Variants in TULP4 observed in about 807,000 individuals in gnomAD.
TULP4 encodes TUB like protein 4, also known as tubby-related protein 4.
In TULP4, 16 loss-of-function variants were observed where a neutral mutation model predicts 129.0. The ratio of observed to expected loss-of-function variants is 0.12; its 90% CI spans 0.08 to 0.19. The LOEUF is 0.19. Ranked by LOEUF, TULP4 falls within the 10% of genes least tolerant of loss-of-function variation. The pLI is 1.00. For missense variants in TULP4, 1,842 were observed against 2,059.1 expected, an observed-to-expected ratio of 0.89 and a Z score of 2.04; for synonymous variants, 998 against 854.0, an observed-to-expected ratio of 1.17 and a Z score of -2.94.
At chr6:158,445,630 A>G (rs1004725410) in intron 3 of TULP4, among the ~76,000 whole-genome samples, 5 of 152,310 alleles carry the variant, frequency 3.3e-5, no homozygotes, top group African/African-American at 1.2e-4. Context: ...GGTGGGGCCC[A>G]GAAGCCTTCA....
chr6:158,404,189 C>T (rs1396259413), intron 1 of TULP4, among the ~76,000 whole-genome samples: 2 of 152,172 alleles, frequency 1.3e-5, no homozygotes, highest in Admixed American at 1.3e-4. Flanking sequence ...ATGTCTACTG[C>T]AATACAGATC....
chr6:158,256,391 C>T (rs182187679), intron 1 of TULP4, among the ~76,000 whole-genome samples: 76 of 152,278 alleles, frequency 5.0e-4, no homozygotes, highest in African/African-American at 1.7e-3. Flanking sequence ...CTCACACAGG[C>T]AGCTTTCATG....
intron 1 of TULP4, among the ~76,000 whole-genome samples, chr6:158,339,203 T>G (rs1240206968): frequency 6.6e-6 from 1 of 152,132 alleles, no homozygotes; most frequent in Non-Finnish European, 1.5e-5. Flanking sequence ...GTCGGCAGGT[T>G]CTGTGATGCC....
In TULP4 at chr6:158,291,988, C is replaced by T. The variant is rs184675416; in HGVS notation, n.116+9610C>T. ...TGGGGATCTAAATTTGTTGTTTGTA[C>T]TGAGAACTCATGGTGACTTATTTTG... is the stretch of plus-strand genomic sequence containing the variant. On this transcript the variant is annotated intron_variant and non_coding_transcript_variant, in intron 1 of 1. Transcript: ENST00000432358. Among the ~76,000 whole-genome samples the T allele has an allele frequency of 6.5e-4, 99 of 152,258 alleles. 1 individual carries two copies. The highest frequency in any genetic ancestry group is 2.0e-3 in the African/African-American group (85 of 41,558).
At chr6:158,312,054 T>C (rs1409910451), upstream of TULP4, 2 of 398,298 alleles carry the variant, frequency 5.0e-6, no homozygotes, top group African/African-American at 4.1e-5. Context: ...TAAACAGATT[T>C]GTAAGACTCC....
Position 158,498,180 on chromosome 6 carries a change from A to G in TULP4, c.1871-489A>G, listed in dbSNP as rs562916738. On this transcript the variant is annotated intron_variant, in intron 11 of 13. Coordinates refer to ENST00000367097, the MANE Select transcript of TULP4 (RefSeq NM_020245.5). The stretch of plus-strand genomic sequence containing the variant: ...CAAGGTTCCAGCCGAAATGAAGGCT[A>G]TGTTTTATTCCTACATGAAACCATG... Among the ~76,000 whole-genome samples, 26 of 152,310 alleles carry G rather than the reference A, an allele frequency of 1.7e-4. No homozygotes were observed. The South Asian group carries it at 5.2e-3, about 30-fold the overall frequency.
chr6:158,248,521 G>A (rs900782343), intron 1 of TULP4, among the ~76,000 whole-genome samples: 6 of 151,984 alleles, frequency 3.9e-5, no homozygotes, highest in African/African-American at 7.2e-5. Context: ...TGCCCACCTC[G>A]GCCTCCCAAA....
chr6:158,493,450 G>T lies in TULP4; in HGVS notation c.1632-123G>T. On this transcript the variant is annotated intron_variant, in intron 9 of 13. Transcript: ENST00000367097. This position sits in a 1 kb window ranked among gnomAD's most constrained non-coding sequence, Gnocchi z 4.4. ...AGAGCTTTGTTAAATTCGGGCACTG[G>T]CTGCAGGGTGAGAACCCAACACCCA... 9.4e-7 allele frequency: 1 copy of T among 1,062,238 alleles called. No homozygotes were observed. Among genetic ancestry groups the T allele is most frequent in the Non-Finnish European group, 1.3e-6 (1 of 793,720 alleles). The allele number at this position is 1,062,238 out of a possible 1,614,324, so 65.8% of individuals were successfully genotyped here.
upstream of TULP4, among the ~76,000 whole-genome samples, chr6:158,279,164 G>A (rs1382079501): frequency 2.0e-5 from 3 of 151,668 alleles, no homozygotes; most frequent in South Asian, 2.1e-4. Flanking sequence ...GGATGGTCTC[G>A]ATCTCCTGAC....
intron 2 of TULP4, among the ~76,000 whole-genome samples, chr6:158,415,593 C>T (rs1778190232): frequency 6.6e-6 from 1 of 150,584 alleles, no homozygotes; most frequent in African/African-American, 2.4e-5. Context: ...ATCTCCTGAC[C>T]TCATGATCCA....
chr6:158,456,250 G>A (rs1446919691), intron 5 of TULP4, among the ~76,000 whole-genome samples: 3 of 152,142 alleles, frequency 2.0e-5, no homozygotes, highest in African/African-American at 7.2e-5. Context: ...GGTTATTTGG[G>A]GAAAGCAGGA....
intron 1 of TULP4, among the ~76,000 whole-genome samples, chr6:158,357,274 A>G (rs1390887696): frequency 2.0e-5 from 3 of 152,182 alleles, no homozygotes; most frequent in African/African-American, 7.2e-5. Flanking sequence ...TGCATTTTTT[A>G]ATGAAACGTG....
At chr6:158,406,745 T>C (rs1777985222) in intron 1 of TULP4, among the ~76,000 whole-genome samples, 2 of 152,222 alleles carry the variant, frequency 1.3e-5, no homozygotes, top group African/African-American at 4.8e-5. Context: ...AGATTTGGTG[T>C]GGAGTTCACT....
Position 158,313,745 on chromosome 6 carries a change from A to G in TULP4, c.-272A>G, listed in dbSNP as rs1779417985. The stretch of plus-strand genomic sequence containing the variant: ...AGGATCAGCACGTTCTTCCTCTGAG[A>G]ACTTGAAAATACAAATGGACCCCAT... On this transcript the variant is annotated 5_prime_UTR_variant, in exon 1 of 14. Transcript: ENST00000367097. 1 of 512,520 alleles carries G rather than the reference A, an allele frequency of 2.0e-6. No individual in the cohort carries two copies. Among genetic ancestry groups the G allele is most frequent in the Non-Finnish European group, 3.4e-6 (1 of 293,878 alleles). The allele number at this position is 512,520 out of a possible 1,614,324, so 31.7% of individuals were successfully genotyped here.
chr6:158,423,380 G>C (rs1485013539), intron 2 of TULP4, among the ~76,000 whole-genome samples: 1 of 152,200 alleles, frequency 6.6e-6, no homozygotes, highest in Non-Finnish European at 1.5e-5. Context: ...TTACACAGTA[G>C]AGTAAGTATA....
At chr6:158,233,103 G>A (rs1777628357) in intron 1 of TULP4, among the ~76,000 whole-genome samples, 1 of 152,264 alleles carries the variant, frequency 6.6e-6, no homozygotes, top group African/African-American at 2.4e-5. Flanking sequence ...GGGATGGGAA[G>A]GTGAGGGTGG....
chr6:158,237,576 A>G (rs1053882056), intron 1 of TULP4: 9 of 1,536,782 alleles, frequency 5.9e-6, no homozygotes, highest in Non-Finnish European at 8.1e-6. Context: ...CCTTCTTTTT[A>G]CCCTTCTTTC....
chr6:158,453,485 C>CAAAAAAAAAAAAAAAAAAAAAAAAAA (rs869146924), intron 5 of TULP4, among the ~76,000 whole-genome samples: 2 of 17,980 alleles, frequency 1.1e-4, no homozygotes, highest in African/African-American at 4.2e-4. Flanking sequence ...CTCTGTCTCA[C>CAAAAAAAAAAAAAAAAAAAAAAAAAA]AAAAAAAAAA....
chr6:158,341,204 C>T (rs1337311434), intron 1 of TULP4, among the ~76,000 whole-genome samples: 1 of 152,088 alleles, frequency 6.6e-6, no homozygotes, highest in Non-Finnish European at 1.5e-5. Context: ...CTTTCTGTGC[C>T]TGGCTTATTT....
Sources: gnomAD v4.1 joint callset for allele counts (sites outside exome capture counted in the v4.1 genomes callset) on GRCh38, gnomAD v4.1.1 for gene constraint, Gnocchi (gnomAD v3.1) non-coding constraint, MANE v1.5 for transcripts, NCBI Gene and HGNC (gene_info 2026-07-23, HGNC 2026-07-21) for gene names.